Variants in PATJ observed in about 807,000 individuals in gnomAD.
PATJ encodes PATJ crumbs cell polarity complex component.
PATJ carries 190 observed loss-of-function variants against 224.9 expected under a neutral mutation model. The ratio of observed to expected loss-of-function variants is 0.84; its 90% CI spans 0.75 to 0.95. The LOEUF (loss-of-function observed/expected upper bound fraction) is 0.95. PATJ is among the 40% of genes least tolerant of loss of function. PATJ has a pLI of 0.00. For synonymous variants in PATJ, 769 were observed against 820.3 expected, an observed-to-expected ratio of 0.94 and a Z score of 1.07; for missense variants, 2,121 against 2,270.3, an observed-to-expected ratio of 0.93 and a Z score of 1.34.
rs886686362 is a variant in PATJ at position 61,990,500 on chromosome 1, G to A, written c.3867+136G>A. The A allele has an allele frequency of 9.1e-6, 5 of 549,278 alleles. No individual in the cohort carries two copies. In the African/African-American group the frequency reaches 9.8e-5, roughly 11 times the overall value. The allele number at this position is 549,278 out of a possible 1,614,324, so 34.0% of individuals were successfully genotyped here. On this transcript the variant is annotated intron_variant, in intron 28 of 43. Coordinates refer to ENST00000642238, the MANE Select transcript of PATJ (RefSeq NM_001350145.3). Reference sequence around the variant, plus strand: ...CAACTACTTAAAATCATTTTTCAAAGCAAGAACAGAAATCAAACTGTTGTT... The same window carrying A: ...CAACTACTTAAAATCATTTTTCAAAACAAGAACAGAAATCAAACTGTTGTT...
intron 1 of PATJ, among the ~76,000 whole-genome samples, chr1:61,760,545 A>C (rs1570311927): frequency 1.3e-5 from 2 of 151,954 alleles, no homozygotes; most frequent in East Asian, 3.8e-4. Context: ...TCATCAAATC[A>C]CTGGAATTAA....
At chr1:61,894,867 G>T (rs1670141314) in intron 22 of PATJ, among the ~76,000 whole-genome samples, 1 of 152,210 alleles carries the variant, frequency 6.6e-6, no homozygotes. Context: ...GAACTTCCTA[G>T]AGACTTGTTG....
At chr1:61,877,042 G>C (rs1488866678) in intron 21 of PATJ, among the ~76,000 whole-genome samples, 1 of 152,172 alleles carries the variant, frequency 6.6e-6, no homozygotes, top group African/African-American at 2.4e-5. Flanking sequence ...TCGAAGACTG[G>C]GTTGTGCCAT....
chr1:62,058,738 T>C (rs1489291915), intron 31 of PATJ, among the ~76,000 whole-genome samples: 1 of 152,202 alleles, frequency 6.6e-6, no homozygotes. Context: ...GCTCTCATTA[T>C]TCAGTACACA....
At position 61,884,206 on chromosome 1, in the gene PATJ, G is replaced by A. The variant is rs542255265; in HGVS notation, c.2960-31G>A. ...GACTAAAGGAGAATGAGTGCCTCTT[G>A]TGTTCACTGTCATCTGGATTTGCTC... On this transcript the variant is annotated intron_variant, in intron 21 of 43. Coordinates refer to ENST00000642238, the MANE Select transcript of PATJ (RefSeq NM_001350145.3). 402 of 1,546,356 alleles carry A rather than the reference G, an allele frequency of 2.6e-4. 3 individuals carry two copies. In the South Asian group the frequency reaches 4.3e-3, roughly 17 times the overall value.
In PATJ at chr1:61,864,249, T is replaced by C. The variant is rs1253942634; in HGVS notation, c.2451T>C (p.Asp817=). The part of the protein sequence containing the change: ...LILEAPKGFR[D]EPYFKEELVD... ...TCTTTTATTTATAGGGATTTAGAGA[T>C]GAACCATATTTTAAAGAAGAACTTG... The change falls in exon 20 of 44, where the codon GAT becomes GAC. Residue 817 remains aspartate (D), a synonymous_variant. Coordinates refer to ENST00000642238, the MANE Select transcript of PATJ (RefSeq NM_001350145.3). The C allele has an allele frequency of 6.2e-7, 1 of 1,607,810 alleles. No individual in the cohort carries two copies. The highest frequency in any genetic ancestry group is 8.5e-7 in the Non-Finnish European group (1 of 1,177,242).
chr1:61,805,085 A>T (rs144403904), intron 12 of PATJ, among the ~76,000 whole-genome samples: 25 of 152,316 alleles, frequency 1.6e-4, no homozygotes, highest in African/African-American at 5.5e-4. Flanking sequence ...TCTATGTCCT[A>T]ATGTATTATA....
chr1:61,782,909 G>A (rs770104570), intron 7 of PATJ, among the ~76,000 whole-genome samples: 1 of 152,190 alleles, frequency 6.6e-6, no homozygotes, highest in Non-Finnish European at 1.5e-5. Context: ...GGGCGGTCAG[G>A]TATACCGGAA....
chr1:61,821,027 C>T (rs950440831), intron 14 of PATJ, among the ~76,000 whole-genome samples: 1 of 151,210 alleles, frequency 6.6e-6, no homozygotes, highest in African/African-American at 2.4e-5. Context: ...AGAGAGGGAA[C>T]GGGAGGAAAA....
At chr1:61,745,094 T>C (rs1156831878) in intron 1 of PATJ, among the ~76,000 whole-genome samples, 3 of 152,078 alleles carry the variant, frequency 2.0e-5, no homozygotes, top group African/African-American at 7.2e-5. Context: ...TTATGGAGAC[T>C]TCATTGAGTA....
intron 11 of PATJ, among the ~76,000 whole-genome samples, chr1:61,800,908 A>T (rs1036045594): frequency 3.3e-5 from 5 of 152,094 alleles, no homozygotes; most frequent in African/African-American, 4.8e-5. Flanking sequence ...AAGGACATGA[A>T]CTCATCCTTC....
chr1:61,814,553 C>CGCGT (rs1472613298), intron 14 of PATJ, among the ~76,000 whole-genome samples: 21 of 129,898 alleles, frequency 1.6e-4, no homozygotes, highest in African/African-American at 7.5e-4. Flanking sequence ...TGTGTGCGCG[C>CGCGT]GCGCGCGCAT....
chr1:61,932,823 C>T (rs913900096), intron 27 of PATJ, among the ~76,000 whole-genome samples: 2 of 152,112 alleles, frequency 1.3e-5, no homozygotes. Flanking sequence ...TCACTTGAAC[C>T]TGGAGGCAGA....
intron 43 of PATJ, among the ~76,000 whole-genome samples, chr1:62,157,578 C>G (rs1669360504): frequency 6.7e-6 from 1 of 148,690 alleles, no homozygotes; most frequent in South Asian, 2.3e-4. Context: ...TGCCTGTAAT[C>G]CCAGCACTGT....
At chr1:62,117,446 C>T in intron 37 of PATJ, 4 of 1,359,670 alleles carry the variant, frequency 2.9e-6, no homozygotes, top group Non-Finnish European at 3.8e-6. Flanking sequence ...TTCTTGGAAG[C>T]TCTTTTCTCT....
intron 30 of PATJ, among the ~76,000 whole-genome samples, chr1:62,040,533 T>C (rs1651283101): frequency 6.6e-6 from 1 of 152,064 alleles, no homozygotes; most frequent in South Asian, 2.1e-4. Flanking sequence ...TTAAATAAGA[T>C]AAAAATTAAA....
intron 12 of PATJ, among the ~76,000 whole-genome samples, chr1:61,802,978 A>G (rs1306460088): frequency 6.6e-6 from 1 of 152,226 alleles, no homozygotes; most frequent in Non-Finnish European, 1.5e-5. Context: ...AGAATAGCCT[A>G]TGATTTGGAA....
chr1:61,875,203 C>G, intron 20 of PATJ, 40 bp from the exon 21 acceptor site: 2 of 1,382,224 alleles, frequency 1.4e-6, no homozygotes, highest in Middle Eastern at 1.8e-4. Flanking sequence ...ACATTTTTTT[C>G]ATAAAGTACT....
intron 20 of PATJ, among the ~76,000 whole-genome samples, chr1:61,871,525 A>ATG (rs1403314055): frequency 0.012 from 1,422 of 117,710 alleles, 9 homozygotes; most frequent in African/African-American, 0.017. Flanking sequence ...ATATATAAAT[A>ATG]TGTGTGTGTG....
Sources: allele counts gnomAD v4.1 joint callset (sites outside exome capture counted in the v4.1 genomes callset), GRCh38; gene constraint gnomAD v4.1.1; transcripts MANE v1.5; gene names NCBI Gene and HGNC (gene_info 2026-07-23, HGNC 2026-07-21).